The following GUCY1A2 variants were observed in gnomAD, a reference collection of about 807,000 sequenced individuals.
GUCY1A2 encodes the protein guanylate cyclase soluble subunit alpha-2.
Under a neutral mutation model 63.5 loss-of-function variants are expected in GUCY1A2, and 27 were observed. The observed-to-expected ratio is 0.43, with a 90% CI of 0.31 to 0.59. The LOEUF is 0.59. Among genes scored for constraint, GUCY1A2 ranks in the 20% least tolerant of loss-of-function variants. The pLI is 0.11. For synonymous variants in GUCY1A2, 364 were observed against 343.5 expected (o/e 1.06, Z -0.66); for missense variants, 768 against 913.3 (o/e 0.84, Z 2.05).
intron 1 of GUCY1A2, among the ~76,000 whole-genome samples, chr11:107,012,930 ACTTT>A (rs888964078): frequency 1.3e-5 from 2 of 152,266 alleles, no homozygotes; most frequent in African/African-American, 2.4e-5. Flanking sequence ...TTACACACAT[ACTTT>A]CTAAGGTTTT....
chr11:106,746,529 C>T, intron 6 of GUCY1A2: 1 of 1,362,972 alleles, frequency 7.3e-7, no homozygotes, highest in Non-Finnish European at 1.0e-6. Flanking sequence ...TTTTCCTTCT[C>T]CCTATAAGTG....
chr11:106,679,681 T>C lies in GUCY1A2; in HGVS notation c.*7868A>G, dbSNP rs764478262. ...AAATATAGTTTGTTTTAATATCACT[T>C]GCATAGTGTTAGTCTGTTTTTCTAT... On this transcript the variant is annotated 3_prime_UTR_variant, in exon 8 of 8. Coordinates refer to ENST00000526355, the MANE Select transcript of GUCY1A2 (RefSeq NM_000855.3). 2 of 218,212 alleles carry C rather than the reference T, an allele frequency of 9.2e-6. No homozygotes were observed. Among genetic ancestry groups the C allele is most frequent in the Non-Finnish European group, 1.8e-5 (2 of 108,592 alleles). The allele number at this position is 218,212 out of a possible 1,614,324, so 13.5% of individuals were successfully genotyped here.
At chr11:106,846,506 G>A (rs1379724485) in intron 4 of GUCY1A2, among the ~76,000 whole-genome samples, 1 of 151,472 alleles carries the variant, frequency 6.6e-6, no homozygotes. Flanking sequence ...ACTAAATGAG[G>A]GTTAAATACT....
At chr11:106,738,714 A>G (rs1005344526) in intron 6 of GUCY1A2, among the ~76,000 whole-genome samples, 3 of 152,014 alleles carry the variant, frequency 2.0e-5, no homozygotes, top group Admixed American at 1.3e-4. Flanking sequence ...ATATGTGGCA[A>G]TATTTCTGAG....
intron 4 of GUCY1A2, among the ~76,000 whole-genome samples, chr11:106,898,473 A>T (rs1442029151): frequency 6.6e-6 from 1 of 152,128 alleles, no homozygotes; most frequent in Non-Finnish European, 1.5e-5. Flanking sequence ...GAGTAAATAC[A>T]CTCTGAACAT....
chr11:106,892,101 A>G (rs534685545), intron 4 of GUCY1A2, among the ~76,000 whole-genome samples: 202 of 152,210 alleles, frequency 1.3e-3, no homozygotes, highest in African/African-American at 4.5e-3. Flanking sequence ...GGACTTGAAC[A>G]TCTATTATTT....
intron 4 of GUCY1A2, among the ~76,000 whole-genome samples, chr11:106,854,610 T>C (rs1859401912): frequency 6.6e-6 from 1 of 152,068 alleles, no homozygotes; most frequent in African/African-American, 2.4e-5. Context: ...TGCACAAGCA[T>C]CAACAGTGGC....
intron 5 of GUCY1A2, among the ~76,000 whole-genome samples, chr11:106,792,700 C>G (rs1284887552): frequency 1.3e-5 from 2 of 152,224 alleles, no homozygotes; most frequent in East Asian, 3.9e-4. Context: ...CCTTGAAAAG[C>G]AGCAGAAGAC....
intron 4 of GUCY1A2, among the ~76,000 whole-genome samples, chr11:106,822,721 G>C (rs913669118): frequency 3.3e-5 from 5 of 152,132 alleles, no homozygotes; most frequent in African/African-American, 1.2e-4. Context: ...AAAAAGTCTA[G>C]AGTTTAAGAA....
Position 106,685,064 on chromosome 11 carries a change from A to T in GUCY1A2, c.*2485T>A, listed in dbSNP as rs1324377589. The T allele has an allele frequency of 4.8e-6, 1 of 206,806 alleles. No homozygotes were observed. The highest frequency in any genetic ancestry group is 9.9e-6 in the Non-Finnish European group (1 of 101,374). 12.8% of individuals were successfully genotyped at this position (206,806 alleles called of 1,614,324 possible). A position where few individuals can be genotyped will look rare whatever the true frequency, so the allele number is the denominator to read the frequency against. ...TAACTACAATAATCAACTATAATAGATTAGCAAAATGATAACAAATTGGAC... is the reference window on the plus strand; with the variant it reads ...TAACTACAATAATCAACTATAATAGTTTAGCAAAATGATAACAAATTGGAC... On this transcript the variant is annotated 3_prime_UTR_variant, in exon 8 of 8. Coordinates refer to ENST00000526355, the MANE Select transcript of GUCY1A2 (RefSeq NM_000855.3).
chr11:106,992,830 C>T (rs1345848839), intron 1 of GUCY1A2, among the ~76,000 whole-genome samples: 4 of 152,110 alleles, frequency 2.6e-5, no homozygotes, highest in Non-Finnish European at 5.9e-5. Context: ...TTCCACTTCC[C>T]CTTTCTTAGC....
At chr11:106,739,540 G>T (rs1369595976) in intron 6 of GUCY1A2, among the ~76,000 whole-genome samples, 1 of 152,182 alleles carries the variant, frequency 6.6e-6, no homozygotes, top group Non-Finnish European at 1.5e-5. Context: ...GTCAGAGAGG[G>T]TAAGCAGCTT....
chr11:106,893,138 T>C (rs1293960328), intron 4 of GUCY1A2, among the ~76,000 whole-genome samples: 2 of 152,138 alleles, frequency 1.3e-5, no homozygotes, highest in African/African-American at 4.8e-5. Flanking sequence ...ATATTTCAAG[T>C]GTGCAAATCA....
At chr11:106,692,224 TTAATCCCCAGCTG>T (rs1862637786) in intron 7 of GUCY1A2, among the ~76,000 whole-genome samples, 1 of 152,120 alleles carries the variant, frequency 6.6e-6, no homozygotes, top group Non-Finnish European at 1.5e-5. Flanking sequence ...ATCCTCTAAA[TTAATCCCCAGCTG>T]TAATCCCCAG....
At chr11:107,009,425 G>C (rs140277045) in intron 1 of GUCY1A2, among the ~76,000 whole-genome samples, 48 of 152,248 alleles carry the variant, frequency 3.2e-4, no homozygotes, top group African/African-American at 8.7e-4. Context: ...ACAAATGCTG[G>C]TGATAATGTC....
At chr11:106,874,547 G>T (rs1369999088) in intron 4 of GUCY1A2, among the ~76,000 whole-genome samples, 1 of 151,998 alleles carries the variant, frequency 6.6e-6, no homozygotes, top group Non-Finnish European at 1.5e-5. Flanking sequence ...AGTAATTTTA[G>T]TATGCCATTG....
intron 4 of GUCY1A2, among the ~76,000 whole-genome samples, chr11:106,825,814 T>C (rs374620060): frequency 6.6e-6 from 1 of 152,184 alleles, no homozygotes; most frequent in African/African-American, 2.4e-5. Flanking sequence ...TACAAATTTG[T>C]GTTGGGCTGC....
intron 1 of GUCY1A2, among the ~76,000 whole-genome samples, chr11:107,016,796 A>G (rs1425751080): frequency 1.3e-5 from 2 of 152,202 alleles, no homozygotes; most frequent in Non-Finnish European, 2.9e-5. Flanking sequence ...GTACAGGTGC[A>G]AGAAGTACAG....
At chr11:106,837,655 A>G (rs909256895) in intron 4 of GUCY1A2, among the ~76,000 whole-genome samples, 4 of 151,960 alleles carry the variant, frequency 2.6e-5, no homozygotes, top group Non-Finnish European at 4.4e-5. Flanking sequence ...AATTGTCGCA[A>G]ATCTCCAAAA....
Sources: allele counts gnomAD v4.1 joint callset (sites outside exome capture counted in the v4.1 genomes callset), GRCh38; gene constraint gnomAD v4.1.1; transcripts MANE v1.5; gene names NCBI Gene and HGNC (gene_info 2026-07-23, HGNC 2026-07-21).